Variants in EXTL3 observed in about 807,000 individuals in gnomAD.
EXTL3 encodes exostosin like glycosyltransferase 3, also known as exostosin-like 3.
In EXTL3, 27 loss-of-function variants were observed where a neutral mutation model predicts 69.3. The ratio of observed to expected loss-of-function variants is 0.39; its 90% confidence interval spans 0.29 to 0.54. The LOEUF (loss-of-function observed/expected upper bound fraction) is 0.54. EXTL3 is among the 20% of genes least tolerant of loss of function. The pLI is 0.69. For missense variants in EXTL3, 1,003 were observed against 1,231.8 expected (o/e 0.81, Z 2.78); for synonymous variants, 511 against 499.4 (o/e 1.02, Z -0.31).
At chr8:28,620,642 G>T (rs1245715017), upstream of EXTL3, among the ~76,000 whole-genome samples, 1 of 152,194 alleles carries the variant, frequency 6.6e-6, no homozygotes. Flanking sequence ...AGGCCAGAAA[G>T]GTGTTAAACA....
intron 5 of EXTL3, chr8:28,742,840 A>G (rs979313414): frequency 2.0e-6 from 1 of 508,612 alleles, no homozygotes. Flanking sequence ...CTGCGGTACC[A>G]GGGAGATGAT....
At chr8:28,745,546 A>G (rs541096384) in intron 6 of EXTL3, among the ~76,000 whole-genome samples, 4 of 152,206 alleles carry the variant, frequency 2.6e-5, no homozygotes, top group Non-Finnish European at 5.9e-5. Context: ...AAAGCAATTA[A>G]TGATGGGTGC....
At chr8:28,676,904 C>G (rs896015464) in intron 1 of EXTL3, among the ~76,000 whole-genome samples, 1 of 152,168 alleles carries the variant, frequency 6.6e-6, no homozygotes, top group Non-Finnish European at 1.5e-5. Flanking sequence ...AGCGTGAGAA[C>G]TGCATTTCAA....
At chr8:28,697,977 T>G (rs1402184815), upstream of EXTL3, 1 of 152,212 alleles carries the variant, frequency 6.6e-6, no homozygotes, top group Admixed American at 6.5e-5. Context: ...CTCACTTCAT[T>G]GTGCATACTG....
chr8:28,732,479 T>C (rs1232364823), intron 4 of EXTL3, among the ~76,000 whole-genome samples: 2 of 152,160 alleles, frequency 1.3e-5, no homozygotes, highest in African/African-American at 4.8e-5. Flanking sequence ...TGTGCAAACA[T>C]CACCATGGTT....
rs572364402 is a variant in EXTL3, at chr8:28,727,037, C to A, written c.2149-4186C>A. Among the ~76,000 whole-genome samples the A allele has an allele frequency of 3.0e-4, 45 of 151,978 alleles. 2 individuals carry two copies. In the South Asian group the frequency reaches 9.2e-3, roughly 31 times the overall value. On this transcript the variant is annotated intron_variant, in intron 3 of 6. Coordinates refer to ENST00000220562, the MANE Select transcript of EXTL3 (RefSeq NM_001440.4). The stretch of plus-strand genomic sequence containing the variant: ...GGGATTACAGGTGCCCTCCCCCATG[C>A]CTGGCTAGATTTTTAAAAAATTATT...
chr8:28,651,033 A>C (rs1806911066), intron 1 of EXTL3, among the ~76,000 whole-genome samples: 2 of 151,938 alleles, frequency 1.3e-5, no homozygotes, highest in African/African-American at 2.4e-5. Flanking sequence ...CCGGTGTTGA[A>C]TGTTTCAGAT....
chr8:28,685,322 G>C (rs912213408), intron 1 of EXTL3, among the ~76,000 whole-genome samples: 3 of 151,856 alleles, frequency 2.0e-5, no homozygotes, highest in Non-Finnish European at 4.4e-5. Context: ...ATCGCATTTA[G>C]CTCTCATGTT....
chr8:28,648,295 C>A (rs1806866146), intron 1 of EXTL3, among the ~76,000 whole-genome samples: 1 of 151,682 alleles, frequency 6.6e-6, no homozygotes, highest in African/African-American at 2.4e-5. Context: ...GATTTTTTTT[C>A]CTGGCCCTGA....
chr8:28,692,137 T>C (rs1800624771), intron 1 of EXTL3, among the ~76,000 whole-genome samples: 1 of 152,226 alleles, frequency 6.6e-6, no homozygotes, highest in Admixed American at 6.5e-5. Flanking sequence ...CTTTTCTTAG[T>C]AACCTAGATG....
chr8:28,644,693 A>G (rs981720590), intron 1 of EXTL3, among the ~76,000 whole-genome samples: 3 of 152,220 alleles, frequency 2.0e-5, no homozygotes, highest in Non-Finnish European at 2.9e-5. Flanking sequence ...AAAATTTAAA[A>G]GTAAATTAAA....
At chr8:28,648,145 G>T (rs552329826) in intron 1 of EXTL3, among the ~76,000 whole-genome samples, 29 of 152,266 alleles carry the variant, frequency 1.9e-4, no homozygotes, top group African/African-American at 7.0e-4. Context: ...TCTGTTCTTT[G>T]CCTACTGGTT....
At chr8:28,643,797 G>C (rs1193153357) in intron 1 of EXTL3, among the ~76,000 whole-genome samples, 1 of 152,060 alleles carries the variant, frequency 6.6e-6, no homozygotes, top group African/African-American at 2.4e-5. Context: ...ACAGGGTCTT[G>C]CCTTGTCACC....
intron 1 of EXTL3, among the ~76,000 whole-genome samples, chr8:28,681,734 T>C (rs192793981): frequency 1.2e-4 from 19 of 152,064 alleles, no homozygotes; most frequent in Admixed American, 1.2e-3. Flanking sequence ...TGTTTTTCCA[T>C]AATGATTGTG....
upstream of EXTL3, among the ~76,000 whole-genome samples, chr8:28,619,338 C>G (rs1040066059): frequency 7.6e-6 from 1 of 131,866 alleles, no homozygotes; most frequent in African/African-American, 2.8e-5. Context: ...CCTGGACGCT[C>G]TAACCTAAAT....
At chr8:28,624,608 C>A (rs550980305) in intron 1 of EXTL3, among the ~76,000 whole-genome samples, 2 of 151,956 alleles carry the variant, frequency 1.3e-5, no homozygotes, top group African/African-American at 2.4e-5. Context: ...AGAAACAAAT[C>A]TTTAAAAGAT....
chr8:28,695,279 C>T (rs1425081346), intron 1 of EXTL3, among the ~76,000 whole-genome samples: 1 of 151,994 alleles, frequency 6.6e-6, no homozygotes, highest in Non-Finnish European at 1.5e-5. Flanking sequence ...CAGGCACCCA[C>T]CACCATGCCC....
chr8:28,715,952 A>T lies in EXTL3; in HGVS notation c.-108A>T. The T allele has an allele frequency of 1.1e-6, 1 of 887,132 alleles. No homozygotes were observed. 55.0% of individuals were successfully genotyped at this position (887,132 alleles called of 1,614,324 possible). ...TGGTGCCTTGTCTGGGGAGCACACTAACTCTTCTGGAAACGTGTCAGTGAA... is the reference window on the plus strand; with the variant it reads ...TGGTGCCTTGTCTGGGGAGCACACTTACTCTTCTGGAAACGTGTCAGTGAA... On this transcript the variant is annotated 5_prime_UTR_variant, in exon 3 of 7. Transcript: ENST00000220562.
rs183541663 is a variant in EXTL3, at chr8:28,613,296, G to C, written n.314+5538G>C. ...CCTCCTGGGTTCAAATGATTCTCCT[G>C]CCTCGGCCTCCTGAGTTGCTGGGAT... On this transcript the variant is annotated intron_variant and non_coding_transcript_variant, in intron 2 of 4. Transcript: ENST00000522725. Among the ~76,000 whole-genome samples the C allele has an allele frequency of 2.8e-3, 422 of 152,124 alleles. 2 individuals are homozygous for C. Among genetic ancestry groups the C allele is most frequent in the African/African-American group, 8.7e-3 (362 of 41,492 alleles).
Sources: gnomAD v4.1 joint callset for allele counts (sites outside exome capture counted in the v4.1 genomes callset) on GRCh38, gnomAD v4.1.1 for gene constraint, MANE v1.5 for transcripts, NCBI Gene and HGNC (gene_info 2026-07-23, HGNC 2026-07-21) for gene names.